Variants in ZNF618 observed in about 807,000 individuals in gnomAD.
The protein encoded by ZNF618 is neural precursor cell expressed, developmentally down-regulated 10.
In ZNF618, 34 loss-of-function variants were observed where a neutral mutation model predicts 103.0. The observed-to-expected ratio is 0.33, with a 90% CI of 0.25 to 0.44. ZNF618 has a LOEUF of 0.44. ZNF618 is among the 20% of genes least tolerant of loss of function. The pLI, the probability that ZNF618 is intolerant of heterozygous loss-of-function variation, is 1.00. For synonymous variants in ZNF618, 551 were observed against 542.2 expected (o/e 1.02, Z -0.23); for missense variants, 1,059 against 1,295.4 (o/e 0.82, Z 2.80).
chr9:113,998,198 C>G, intron 3 of ZNF618, 61 bp from the exon 4 acceptor site: 1 of 1,492,062 alleles, frequency 6.7e-7, no homozygotes, highest in Non-Finnish European at 9.1e-7. Flanking sequence ...TTCGCCCCTT[C>G]CCTAACCTTC....
chr9:113,917,235 CTTTTTTTTTTTTTT>C (rs56300784), intron 1 of ZNF618, among the ~76,000 whole-genome samples: 4 of 74,242 alleles, frequency 5.4e-5, no homozygotes, highest in Non-Finnish European at 7.5e-5. Context: ...TCTCTCTATC[CTTTTTTTTTTTTTT>C]TTTTTTTTTT....
At chr9:113,895,765 T>C (rs1373427601) in intron 1 of ZNF618, among the ~76,000 whole-genome samples, 1 of 152,102 alleles carries the variant, frequency 6.6e-6, no homozygotes, top group African/African-American at 2.4e-5. Context: ...AGTCCCTGCT[T>C]GGAATGATTT....
At chr9:113,975,794 ATTAT>A (rs1320358487) in intron 2 of ZNF618, among the ~76,000 whole-genome samples, 2 of 152,218 alleles carry the variant, frequency 1.3e-5, no homozygotes, top group Non-Finnish European at 2.9e-5. Context: ...AGCAGAGTGA[ATTAT>A]TTGAGAACGG....
chr9:114,002,737 C>A, intron 6 of ZNF618, 75 bp downstream of exon 6: 1 of 1,541,722 alleles, frequency 6.5e-7, no homozygotes, highest in Non-Finnish European at 8.8e-7. Context: ...CTGCTTGTCC[C>A]CTCCCCCAGA....
chr9:113,898,017 T>G (rs1427109530), intron 1 of ZNF618, among the ~76,000 whole-genome samples: 1 of 152,188 alleles, frequency 6.6e-6, no homozygotes, highest in Non-Finnish European at 1.5e-5. Context: ...GGTCTTGAAC[T>G]CCTGACCTCA....
chr9:113,967,962 G>A lies in ZNF618; in HGVS notation c.34-1155G>A, dbSNP rs149916081. 6.0e-3 allele frequency among the ~76,000 whole-genome samples: 916 copies of A among 152,120 alleles called. 7 individuals carry two copies. Among genetic ancestry groups the A allele is most frequent in the African/African-American group, 0.015 (611 of 41,492 alleles). On this transcript the variant is annotated intron_variant, in intron 1 of 14. Coordinates refer to ENST00000374126, the MANE Select transcript of ZNF618 (RefSeq NM_001318042.2). ...AATTCTTTTATTTTTATACATTGCC[G>A]ATTTGTTTGAATCGAAGTCCGCCAT...
At chr9:113,963,364 T>C (rs1255829262) in intron 1 of ZNF618, among the ~76,000 whole-genome samples, 1 of 152,248 alleles carries the variant, frequency 6.6e-6, no homozygotes. Flanking sequence ...TGGTGTCGTA[T>C]GTATTTGGTA....
At chr9:113,993,937 C>G (rs1369117303) in intron 3 of ZNF618, among the ~76,000 whole-genome samples, 1 of 152,218 alleles carries the variant, frequency 6.6e-6, no homozygotes, top group Admixed American at 6.5e-5. Context: ...ATCATGGGAA[C>G]TGTTTGGTAA....
chr9:114,016,230 TG>T, intron 9 of ZNF618: 6 of 1,429,482 alleles, frequency 4.2e-6, no homozygotes, highest in Non-Finnish European at 5.9e-6. Context: ...TGCTAGTGGG[TG>T]GGGGGTGCTT....
chr9:113,918,935 C>T (rs935761579), intron 1 of ZNF618, among the ~76,000 whole-genome samples: 4 of 152,076 alleles, frequency 2.6e-5, no homozygotes, highest in Non-Finnish European at 1.5e-5. Flanking sequence ...TGTGAATGAA[C>T]GAATGAAAAC....
chr9:113,888,699 G>A (rs1218852264), intron 1 of ZNF618, among the ~76,000 whole-genome samples: 1 of 152,202 alleles, frequency 6.6e-6, no homozygotes, highest in African/African-American at 2.4e-5. Flanking sequence ...AGGAGAAATA[G>A]CCCTGGACGC....
At chr9:113,899,939 T>C (rs1272441784) in intron 1 of ZNF618, among the ~76,000 whole-genome samples, 2 of 152,216 alleles carry the variant, frequency 1.3e-5, no homozygotes. Context: ...TGAACATGGG[T>C]GGACAAACAG....
intron 4 of ZNF618, among the ~76,000 whole-genome samples, chr9:114,001,209 C>T (rs1841166067): frequency 6.6e-6 from 1 of 152,056 alleles, no homozygotes; most frequent in African/African-American, 2.4e-5. Flanking sequence ...TTTAACCTCT[C>T]TGCAGTGCTC....
Position 114,028,878 on chromosome 9 carries a change from A to T in ZNF618, c.990A>T (p.Arg330=). 6.4e-7 allele frequency: 1 copy of T among 1,550,608 alleles called. No individual in the cohort carries two copies. Among genetic ancestry groups the T allele is most frequent in the Non-Finnish European group, 8.7e-7 (1 of 1,146,914 alleles). ...SGKKAPASVV[R]CATLLHRTPP... ...AAAAAGCTCCGGCCTCCGTGGTCCG[A>T]TGTGCCACCCTCTTACACCGCACCC... The change falls in exon 11 of 15, where the codon CGA becomes CGT. Residue 330 remains arginine, a synonymous_variant. Transcript: ENST00000374126.
At chr9:113,988,606 G>A in intron 3 of ZNF618, 26 bp downstream of exon 3, 1 of 1,585,926 alleles carries the variant, frequency 6.3e-7, no homozygotes, top group Admixed American at 1.7e-5. Context: ...CTGTGGTCAG[G>A]GTGGAGACCA....
Position 114,001,616 on chromosome 9 carries a change from T to C in ZNF618, c.434-380T>C, listed in dbSNP as rs1165222328. Reference sequence around the variant, plus strand: ...AAGGAAAAGGGGTTGCTAGAAATTATTGTAATGCGTTGAAGTAATGATTTC... The same window carrying C: ...AAGGAAAAGGGGTTGCTAGAAATTACTGTAATGCGTTGAAGTAATGATTTC... On this transcript the variant is annotated intron_variant, in intron 4 of 14. Transcript: ENST00000374126. Among the ~76,000 whole-genome samples, 5 of 152,266 alleles carry C rather than the reference T, an allele frequency of 3.3e-5. No individual in the cohort carries two copies. In the East Asian group the frequency reaches 7.7e-4, roughly 23 times the overall value.
At chr9:113,880,105 G>C (rs1305358560) in intron 1 of ZNF618, among the ~76,000 whole-genome samples, 1 of 151,970 alleles carries the variant, frequency 6.6e-6, no homozygotes, top group Non-Finnish European at 1.5e-5. Flanking sequence ...TGCTTCCTCT[G>C]ACCTCAGAAT....
intron 1 of ZNF618, among the ~76,000 whole-genome samples, chr9:113,878,366 A>G (rs1294065166): frequency 6.6e-6 from 1 of 152,326 alleles, no homozygotes; most frequent in East Asian, 1.9e-4. Context: ...TAAAGGAAAA[A>G]TAATCAAAAT....
chr9:114,043,512 G>T (rs1452034731), intron 13 of ZNF618, among the ~76,000 whole-genome samples: 1 of 152,132 alleles, frequency 6.6e-6, no homozygotes, highest in Non-Finnish European at 1.5e-5. Flanking sequence ...TGTGCTCATT[G>T]ACCACATTGG....
Sources: gnomAD v4.1 joint callset for allele counts (sites outside exome capture counted in the v4.1 genomes callset) on GRCh38, gnomAD v4.1.1 for gene constraint, MANE v1.5 for transcripts, NCBI Gene and HGNC (gene_info 2026-07-23, HGNC 2026-07-21) for gene names.